TNS2: variants seen among roughly 807,000 people sequenced by gnomAD.
The protein encoded by TNS2 is tensin-2.
Under a neutral mutation model 155.7 loss-of-function variants are expected in TNS2, and 77 were observed. The ratio of observed to expected loss-of-function variants is 0.49; its 90% CI spans 0.41 to 0.60. The LOEUF is 0.60. TNS2 is among the 20% of genes least tolerant of loss of function. The probability of loss-of-function intolerance (pLI) is 0.00; values close to 1 mark genes in which losing one functional copy is unlikely to be tolerated. For missense variants in TNS2, 1,703 were observed against 1,868.8 expected, an observed-to-expected ratio of 0.91 and a Z score of 1.64; for synonymous variants, 726 against 763.9, an observed-to-expected ratio of 0.95 and a Z score of 0.82.
upstream of TNS2, among the ~76,000 whole-genome samples, chr12:53,047,864 C>A (rs990546729): frequency 6.6e-6 from 1 of 152,212 alleles, no homozygotes; most frequent in Non-Finnish European, 1.5e-5. Context: ...GGAACACCCC[C>A]AGAGCCGCCG....
rs773911847 is a variant in TNS2 at position 53,054,364 on chromosome 12, C to T, written c.445C>T (p.Pro149Ser). The change falls in exon 7 of 29, where the codon CCC (proline) becomes TCC (serine). Residue 149 changes from proline (P) to serine (S), a missense_variant. By Grantham distance (74) the Pro-to-Ser change is moderately conservative. Coordinates refer to ENST00000314250, the MANE Select transcript of TNS2 (RefSeq NM_170754.4). ...RILAAAFPAR[P>S]DEQRHRGHLR... ...CTTGGCCGCCGCCTTCCCCGCGCGG[C>T]CCGATGAACAGCGGCACCGGGGCCA... The T allele has an allele frequency of 6.2e-7, 1 of 1,612,564 alleles. No homozygotes were observed. The highest frequency in any genetic ancestry group is 8.5e-7 in the Non-Finnish European group (1 of 1,179,788).
At chr12:53,061,626 C>T in intron 21 of TNS2, 157 bp downstream of exon 21, 1 of 1,338,538 alleles carries the variant, frequency 7.5e-7, no homozygotes, top group Non-Finnish European at 1.0e-6. Flanking sequence ...GGGCTTTGGG[C>T]CAAGGCGGTG....
At position 53,051,939 on chromosome 12, in the gene TNS2, G is replaced by A. The variant is rs779582361; in HGVS notation, c.160G>A (p.Asp54Asn). Residue 54 changes from aspartate (D) to asparagine (N), a missense_variant, in exon 2 of 29, where the codon GAT (aspartate) becomes AAT (asparagine). Physicochemically the swap from Asp to Asn is conservative, Grantham distance 23. Coordinates refer to ENST00000314250, the MANE Select transcript of TNS2 (RefSeq NM_170754.4). The stretch of plus-strand genomic sequence containing the variant: ...CTGTGCAGTATGTAAGGTGACCATC[G>A]ATGGGACAGGCGTTTCGTGCAGAGG... Reference protein sequence around the residue: ...PVCAVCKVTIDGTGVSCRVCK... With the variant: ...PVCAVCKVTINGTGVSCRVCK... The A allele has an allele frequency of 7.4e-6, 12 of 1,613,324 alleles. No individual in the cohort carries two copies. The highest frequency in any genetic ancestry group is 6.7e-5 in the Admixed American group (4 of 59,966).
upstream of TNS2, chr12:53,049,314 G>T: frequency 1.5e-6 from 2 of 1,373,646 alleles, no homozygotes; most frequent in Admixed American, 2.1e-5. Flanking sequence ...AGCCCAAGTT[G>T]CAGGGCTGGA....
At position 53,063,972 on chromosome 12, in the gene TNS2, C is replaced by A; in HGVS notation, c.*90C>A. On this transcript the variant is annotated 3_prime_UTR_variant, in exon 29 of 29. Coordinates refer to ENST00000314250, the MANE Select transcript of TNS2 (RefSeq NM_170754.4). This position sits in a 1 kb window ranked among gnomAD's most constrained non-coding sequence, Gnocchi z 5.6. Reference sequence around the variant, plus strand: ...CATCCCCTGGCCTGGACCCAGGAGACCCAGGAGAAAGCACCCTCCCTTAGG... The same window carrying A: ...CATCCCCTGGCCTGGACCCAGGAGAACCAGGAGAAAGCACCCTCCCTTAGG... 2.1e-6 allele frequency: 3 copies of A among 1,462,374 alleles called. No individual in the cohort carries two copies. Among genetic ancestry groups the A allele is most frequent in the Non-Finnish European group, 2.8e-6 (3 of 1,076,176 alleles). The allele number at this position is 1,462,374 out of a possible 1,614,324, so 90.6% of individuals were successfully genotyped here.
Position 53,063,272 on chromosome 12 carries a change from C to G in TNS2, c.3992+15C>G. On this transcript the variant is annotated intron_variant, in intron 26 of 28. Coordinates refer to ENST00000314250, the MANE Select transcript of TNS2 (RefSeq NM_170754.4). This position sits in a 1 kb window ranked among gnomAD's most constrained non-coding sequence, Gnocchi z 5.6. Reference sequence around the variant, plus strand: ...AACCAAAGGAAGTATGTATACTCAGCCCTGTAGAACCCCATGCTTAAGGCC... The same window carrying G: ...AACCAAAGGAAGTATGTATACTCAGGCCTGTAGAACCCCATGCTTAAGGCC... 1 of 1,613,688 alleles carries G rather than the reference C, an allele frequency of 6.2e-7. No individual in the cohort carries two copies. Among genetic ancestry groups the G allele is most frequent in the Non-Finnish European group, 8.5e-7 (1 of 1,179,834 alleles).
intron 2 of TNS2, 55 bp downstream of exon 2, chr12:53,052,018 C>A: frequency 1.4e-6 from 2 of 1,396,112 alleles, no homozygotes; most frequent in Non-Finnish European, 2.0e-6. Context: ...CACTGTGTTG[C>A]ACAACTCCAG....
rs1592251067 is a variant in TNS2 at position 53,058,176 on chromosome 12, A to G, written c.1095+74A>G. On this transcript the variant is annotated intron_variant, in intron 14 of 28. Coordinates refer to ENST00000314250, the MANE Select transcript of TNS2 (RefSeq NM_170754.4). ...TTGGTGGTGTAACGGCACAGTCACC[A>G]ATTTGAGACAGATTGGAGAGCGAGT... is the stretch of plus-strand genomic sequence containing the variant. 9 of 1,611,308 alleles carry G rather than the reference A, an allele frequency of 5.6e-6. No individual in the cohort carries two copies. The East Asian group carries it at 1.8e-4, about 32-fold the overall frequency.
chr12:53,055,145 C>A (rs200434390), intron 7 of TNS2, 41 bp from the exon 8 acceptor site: 1 of 1,606,814 alleles, frequency 6.2e-7, no homozygotes, highest in Admixed American at 1.7e-5. Flanking sequence ...GCCTCATTGC[C>A]GGAGATCATT....
upstream of TNS2, chr12:53,049,125 G>C (rs755431003): frequency 6.5e-7 from 1 of 1,538,136 alleles, no homozygotes; most frequent in African/African-American, 1.4e-5. Flanking sequence ...CATGTTCCCA[G>C]GAGGGAGGCC....
chr12:53,050,008 C>T (rs1405985445), upstream of TNS2: 3 of 1,430,166 alleles, frequency 2.1e-6, no homozygotes, highest in Non-Finnish European at 2.7e-6. This position sits in a 1 kb window ranked among gnomAD's most constrained non-coding sequence, Gnocchi z 4.7. Flanking sequence ...GCGACCTGCC[C>T]CCTTCCCGCC....
intron 2 of TNS2, chr12:53,052,204 G>T: frequency 1.6e-6 from 1 of 611,338 alleles, no homozygotes. Flanking sequence ...TGTGACGGTA[G>T]TCTTCCTTCC....
rs1944380007 is a variant in TNS2, at chr12:53,061,386, C to T, written c.3365C>T (p.Pro1122Leu). The T allele has an allele frequency of 6.2e-7, 1 of 1,614,052 alleles. No individual in the cohort carries two copies. Among genetic ancestry groups the T allele is most frequent in the Non-Finnish European group, 8.5e-7 (1 of 1,179,984 alleles). The change falls in exon 21 of 29, where the codon CCT (proline) becomes CTT (leucine). Residue 1122 changes from proline to leucine, a missense_variant. Transcript: ENST00000314250. Reference protein sequence around the residue: ...SDNVPQTPEPPTQESQSNVKF... With the variant: ...SDNVPQTPEPLTQESQSNVKF... ...TACTCCCTCCCTGTCCTAGAGCCTC[C>T]TACACAAGAGAGCCAAAGCAATGTC...
rs199731478 is a variant in TNS2 at position 53,052,418 on chromosome 12, C to A, written c.185-37C>A. The A allele has an allele frequency of 3.4e-5, 55 of 1,613,456 alleles. No homozygotes were observed. In the East Asian group the frequency reaches 1.2e-3, roughly 34 times the overall value. The stretch of plus-strand genomic sequence containing the variant: ...GCCATTCCTTCCACTGTCCCACAGG[C>A]CCCTGCTAACCCCTCTCCTCCCCTT... On this transcript the variant is annotated intron_variant, in intron 2 of 28. Transcript: ENST00000314250.
intron 21 of TNS2, 135 bp from the exon 22 acceptor site, chr12:53,061,680 C>T (rs545370229): frequency 6.8e-7 from 1 of 1,469,892 alleles, no homozygotes; most frequent in South Asian, 1.3e-5. Context: ...AGAGCCCTGG[C>T]CTCAGACTCT....
chr12:53,058,531 A>G (rs1944246423), intron 15 of TNS2, 41 bp from the exon 16 acceptor site: 1 of 1,613,472 alleles, frequency 6.2e-7, no homozygotes, highest in Admixed American at 1.7e-5. Flanking sequence ...AGAGTGTGGT[A>G]TGGGCCAGGG....
chr12:53,053,563 G>A, intron 4 of TNS2, 114 bp downstream of exon 4: 2 of 1,443,026 alleles, frequency 1.4e-6, no homozygotes, highest in Non-Finnish European at 1.9e-6. Flanking sequence ...AGTGCTGTGG[G>A]TATTGCTCAT....
rs142256563 is a variant in TNS2 at position 53,059,644 on chromosome 12, A to G, written c.2003A>G (p.Tyr668Cys). The G allele has an allele frequency of 3.7e-6, 6 of 1,613,112 alleles. No homozygotes were observed. In the East Asian group the frequency reaches 8.9e-5, roughly 24 times the overall value. The change falls in exon 18 of 29, where the codon TAC becomes TGC. Residue 668 changes from tyrosine to cysteine, a missense_variant. Transcript: ENST00000314250. This position sits in a 1 kb window ranked among gnomAD's most constrained non-coding sequence, Gnocchi z 4.7. The stretch of plus-strand genomic sequence containing the variant: ...AAACCAGCCACTGGGGACTTTGGCT[A>G]CCGCGCCCCAGGCTACCGGGAGGTG... ...MGKPATGDFG[Y>C]RAPGYREVVI...
chr12:53,057,240 C>T (rs1275200440), intron 11 of TNS2, 144 bp downstream of exon 11: 4 of 895,644 alleles, frequency 4.5e-6, no homozygotes, highest in African/African-American at 3.3e-5. Flanking sequence ...GGACAAAGCC[C>T]CTGCTCTCAT....
Sources: allele counts gnomAD v4.1 joint callset (sites outside exome capture counted in the v4.1 genomes callset), GRCh38; gene constraint gnomAD v4.1.1; non-coding constraint Gnocchi (gnomAD v3.1); transcripts MANE v1.5; gene names NCBI Gene and HGNC (gene_info 2026-07-23, HGNC 2026-07-21).